The following PVT1 variants were observed in gnomAD, a reference collection of about 807,000 sequenced individuals.
PVT1 encodes Pvt1 oncogene.
intron 3 of PVT1, chr8:127,947,336 G>T (rs183843837): frequency 8.6e-4 from 203 of 235,952 alleles, no homozygotes; most frequent in African/African-American, 4.1e-3. Context: ...GTTGATGGAG[G>T]CAAAGAGATA....
chr8:127,844,149 A>AT (rs1237086521), intron 2 of PVT1, among the ~76,000 whole-genome samples: 8 of 151,120 alleles, frequency 5.3e-5, no homozygotes, highest in Non-Finnish European at 8.9e-5. Context: ...TGCCCGGCTA[A>AT]TTTTTTTTGT....
chr8:128,074,988 C>T (rs566111275), intron 5 of PVT1, among the ~76,000 whole-genome samples: 3 of 152,274 alleles, frequency 2.0e-5, no homozygotes, highest in East Asian at 1.9e-4. Context: ...CATCTCTCTC[C>T]GTTCATGGGG....
At chr8:127,995,431 T>G (rs57234405) in intron 4 of PVT1, among the ~76,000 whole-genome samples, 1 of 152,234 alleles carries the variant, frequency 6.6e-6, no homozygotes, top group Non-Finnish European at 1.5e-5. Flanking sequence ...TTGAAACCTA[T>G]TGGACTGCTT....
chr8:127,817,872 TAGAG>T (rs1424427540), intron 2 of PVT1, among the ~76,000 whole-genome samples: 6 of 151,232 alleles, frequency 4.0e-5, no homozygotes, highest in South Asian at 4.2e-4. Flanking sequence ...TCAGAAAAAA[TAGAG>T]AGAGAAAGAT....
chr8:127,835,922 C>A (rs908920548), intron 2 of PVT1, among the ~76,000 whole-genome samples: 1 of 152,182 alleles, frequency 6.6e-6, no homozygotes, highest in East Asian at 1.9e-4. Flanking sequence ...CCCTCTGTAG[C>A]CCCACATCCT....
chr8:127,964,618 C>T (rs1439342048), intron 3 of PVT1, among the ~76,000 whole-genome samples: 1 of 152,098 alleles, frequency 6.6e-6, no homozygotes, highest in Non-Finnish European at 1.5e-5. Context: ...GAGGTTGACA[C>T]CCTCTGAGGT....
intron 4 of PVT1, among the ~76,000 whole-genome samples, chr8:128,012,502 T>C (rs1454429954): frequency 1.3e-5 from 2 of 152,204 alleles, no homozygotes; most frequent in African/African-American, 4.8e-5. Flanking sequence ...TTTTCAACTC[T>C]TCTTGGGCAG....
intron 4 of PVT1, among the ~76,000 whole-genome samples, chr8:128,019,130 A>C (rs1817405886): frequency 6.6e-6 from 1 of 152,230 alleles, no homozygotes; most frequent in Non-Finnish European, 1.5e-5. Context: ...CTGCGTCTGG[A>C]CCAGCTGAAG....
intron 4 of PVT1, among the ~76,000 whole-genome samples, chr8:128,062,393 T>TAA (rs905616205): frequency 2.0e-5 from 3 of 152,150 alleles, no homozygotes; most frequent in Non-Finnish European, 2.9e-5. Flanking sequence ...TAACCCTTCC[T>TAA]AAATGCACCT....
chr8:127,875,025 G>A (rs1437919568), intron 2 of PVT1, among the ~76,000 whole-genome samples: 1 of 152,118 alleles, frequency 6.6e-6, no homozygotes, highest in Non-Finnish European at 1.5e-5. Flanking sequence ...GACCCCTTGG[G>A]TGCCTGTGTA....
intron 3 of PVT1, among the ~76,000 whole-genome samples, chr8:127,973,698 G>C (rs1297392386): frequency 6.6e-6 from 1 of 151,444 alleles, no homozygotes; most frequent in Non-Finnish European, 1.5e-5. Context: ...AAAAAAGAAG[G>C]CCAAACACGG....
Position 128,033,418 on chromosome 8 carries a change from TTGGAAGGAAAC to T in PVT1, n.913-36731_913-36721del, listed in dbSNP as rs1586490104. On this transcript the variant is annotated intron_variant and non_coding_transcript_variant, in intron 4 of 10. Coordinates refer to ENST00000651587, the Ensembl canonical transcript of PVT1. ...AGCCAGTTCTCCCTCACAGTGTTGC[TTGGAAGGAAAC>T]TGGAAGGAAAAGAAGCTTTAGGAGA... 6.6e-5 allele frequency among the ~76,000 whole-genome samples: 10 copies of T among 152,218 alleles called. No individual in the cohort carries two copies. The South Asian group carries it at 2.1e-3, about 32-fold the overall frequency.
Position 127,866,595 on chromosome 8 carries a change from AG to A in PVT1, n.373-23989del, listed in dbSNP as rs1252949220. ...GGCTGGGTGAGCATGGGGTGGTCGC[AG>A]GGGGAAGGGGATAGGAGATGGAGAG... On this transcript the variant is annotated intron_variant and non_coding_transcript_variant, in intron 2 of 10. Coordinates refer to ENST00000651587, the Ensembl canonical transcript of PVT1. Among the ~76,000 whole-genome samples the A allele has an allele frequency of 9.2e-5, 14 of 152,154 alleles. No homozygotes were observed. In the East Asian group the frequency reaches 2.3e-3, roughly 25 times the overall value.
At chr8:127,807,057 G>A (rs558822405) in intron 2 of PVT1, among the ~76,000 whole-genome samples, 2 of 152,296 alleles carry the variant, frequency 1.3e-5, no homozygotes, top group African/African-American at 2.4e-5. Context: ...CAGCAGCTCC[G>A]CTAGTGAGTG....
intron 2 of PVT1, among the ~76,000 whole-genome samples, chr8:127,838,534 G>T (rs927665367): frequency 6.6e-6 from 1 of 152,008 alleles, no homozygotes; most frequent in Non-Finnish European, 1.5e-5. Flanking sequence ...GTGAAACCCC[G>T]TTTCTACTAA....
intron 3 of PVT1, among the ~76,000 whole-genome samples, chr8:127,894,773 G>A (rs575482617): frequency 3.9e-5 from 6 of 152,136 alleles, no homozygotes; most frequent in African/African-American, 1.4e-4. Context: ...TTGGGGCACC[G>A]GTAATTGTTT....
At chr8:127,998,535 T>TCTC (rs1222288032) in intron 4 of PVT1, among the ~76,000 whole-genome samples, 1 of 143,470 alleles carries the variant, frequency 7.0e-6, no homozygotes, top group African/African-American at 2.6e-5. Flanking sequence ...CCTTCTTTCT[T>TCTC]TCTCTCTCTC....
intron 4 of PVT1, among the ~76,000 whole-genome samples, chr8:128,050,172 C>T (rs1813672062): frequency 6.6e-6 from 1 of 152,292 alleles, no homozygotes. Context: ...GGACCCATTC[C>T]AGCCAGCAGT....
At chr8:128,047,178 A>G (rs566041504) in intron 4 of PVT1, among the ~76,000 whole-genome samples, 1 of 152,332 alleles carries the variant, frequency 6.6e-6, no homozygotes, top group East Asian at 1.9e-4. Context: ...TTTTTGATGT[A>G]TGCTGAGCTT....
Sources: allele counts gnomAD v4.1 joint callset (sites outside exome capture counted in the v4.1 genomes callset), GRCh38; gene constraint gnomAD v4.1.1; transcripts MANE v1.5; gene names NCBI Gene and HGNC (gene_info 2026-07-23, HGNC 2026-07-21).